BRD9: variants seen among roughly 807,000 people sequenced by gnomAD.
The protein encoded by BRD9 is bromodomain containing 9, also known as bromodomain-containing protein 9.
Under a neutral mutation model 68.7 loss-of-function variants are expected in BRD9, and 47 were observed. The ratio of observed to expected loss-of-function variants is 0.68; its 90% CI spans 0.54 to 0.87. BRD9 has a LOEUF of 0.87. Among genes scored for constraint, BRD9 ranks in the 40% least tolerant of loss-of-function variants. The probability of loss-of-function intolerance (pLI) is 0.00; values close to 1 mark genes in which losing one functional copy is unlikely to be tolerated. For missense variants in BRD9, 670 were observed against 748.4 expected, an observed-to-expected ratio of 0.90 and a Z score of 1.22; for synonymous variants, 313 against 293.9, an observed-to-expected ratio of 1.06 and a Z score of -0.67.
intron 7 of BRD9, 46 bp from the exon 8 acceptor site, chr5:884,116 C>G (rs753233432): frequency 6.3e-7 from 1 of 1,597,044 alleles, no homozygotes; most frequent in Non-Finnish European, 8.5e-7. Flanking sequence ...GCGTCCCCAC[C>G]GCACACCTGC....
chr5:883,047 G>A, intron 8 of BRD9: 1 of 345,406 alleles, frequency 2.9e-6, no homozygotes. Flanking sequence ...ACAGACCACT[G>A]CAACTTCCCA....
At chr5:883,356 T>C (rs1197844366) in intron 8 of BRD9, 4 of 456,744 alleles carry the variant, frequency 8.8e-6, no homozygotes, top group African/African-American at 2.0e-5. Flanking sequence ...GTCACCTGCA[T>C]TGCTCTACTT....
At chr5:871,714 G>A in intron 12 of BRD9, 150 bp from the exon 13 acceptor site, 1 of 752,630 alleles carries the variant, frequency 1.3e-6, no homozygotes, top group Admixed American at 2.0e-5. Flanking sequence ...TTAAGGCTGG[G>A]GGTCCTCCAA....
At chr5:886,546 T>C (rs1448483458) in intron 7 of BRD9, 46 bp downstream of exon 7, 4 of 1,548,128 alleles carry the variant, frequency 2.6e-6, no homozygotes, top group Non-Finnish European at 3.5e-6. Context: ...TTCCTGGCTA[T>C]GGTGCTCAAC....
At chr5:880,965 TG>T (rs1751652175) in intron 9 of BRD9, 141 bp downstream of exon 9, 1 of 816,036 alleles carries the variant, frequency 1.2e-6, no homozygotes, top group Non-Finnish European at 1.9e-6. Flanking sequence ...CGTGTCACGT[TG>T]GGGTGCGAGC....
chr5:873,745 C>T (rs56707139), intron 12 of BRD9, among the ~76,000 whole-genome samples: 5,704 of 152,204 alleles, frequency 0.037, 337 homozygotes, highest in African/African-American at 0.13. Flanking sequence ...GGCATGTGGA[C>T]CCCAGTTCAT....
Position 892,782 on chromosome 5 carries a change from C to T in BRD9, c.-125G>A, listed in dbSNP as rs1425686189. On this transcript the variant is annotated 5_prime_UTR_variant, in exon 1 of 16. Coordinates refer to ENST00000467963, the MANE Select transcript of BRD9 (RefSeq NM_023924.5). ...CTCGCTGCGCCGAGGTTGCCGAGCTCGCTGGGCCGCGCCGGAAACGGGGCG... is the reference window on the plus strand; with the variant it reads ...CTCGCTGCGCCGAGGTTGCCGAGCTTGCTGGGCCGCGCCGGAAACGGGGCG... 7.5e-6 allele frequency: 8 copies of T among 1,069,928 alleles called. No homozygotes were observed. The highest frequency in any genetic ancestry group is 9.5e-6 in the Non-Finnish European group (8 of 844,298). 66.3% of individuals were successfully genotyped at this position (1,069,928 alleles called of 1,614,324 possible).
intron 8 of BRD9, chr5:881,750 G>C (rs1751795767): frequency 6.4e-6 from 1 of 156,728 alleles, no homozygotes; most frequent in South Asian, 1.9e-4. Flanking sequence ...CAGCCACCTG[G>C]CCTGAGAAGA....
intron 7 of BRD9, among the ~76,000 whole-genome samples, chr5:885,717 T>C (rs1240323656): frequency 6.6e-6 from 1 of 152,218 alleles, no homozygotes; most frequent in Non-Finnish European, 1.5e-5. Flanking sequence ...CTGCGCTCTC[T>C]GGGGCCTGCA....
At position 878,600 on chromosome 5, in the gene BRD9, G is replaced by A. The variant is rs1275902297; in HGVS notation, c.1139-113C>T. On this transcript the variant is annotated intron_variant, in intron 10 of 15. Coordinates refer to ENST00000467963, the MANE Select transcript of BRD9 (RefSeq NM_023924.5). The stretch of plus-strand genomic sequence containing the variant: ...CGCCTGGCTGGCAGCCAGCACCCCA[G>A]TCTCACCTCTCTTGCTCTCCACAAA... The A allele has an allele frequency of 4.2e-5, 61 of 1,450,142 alleles. No homozygotes were observed. The African/African-American group carries it at 7.6e-4, about 18-fold the overall frequency. 89.8% of individuals were successfully genotyped at this position (1,450,142 alleles called of 1,614,324 possible).
rs755739577 is a variant in BRD9, at chr5:865,491, G to A, written c.1616C>T (p.Ala539Val). The A allele has an allele frequency of 8.1e-6, 13 of 1,606,872 alleles. No individual in the cohort carries two copies. Among genetic ancestry groups the A allele is most frequent in the Non-Finnish European group, 1.1e-5 (13 of 1,177,658 alleles). Residue 539 changes from alanine to valine, a missense_variant, in exon 15 of 16, where the codon GCG becomes GTG. Transcript: ENST00000467963. ...KLLQDLHEAQ[A>V]ERGGSRPSSN... ...CGACGGCCGAGAGCCGCCGCGCTCC[G>A]CCTGTGCTTCGTGCAGGTCCTGCAG...
chr5:886,794 G>T, intron 6 of BRD9, 87 bp from the exon 7 acceptor site: 1 of 1,600,816 alleles, frequency 6.2e-7, no homozygotes, highest in Non-Finnish European at 8.5e-7. Context: ...CAGAGCAGCA[G>T]GGATTTACCT....
chr5:892,189 C>G (rs1024537148), intron 1 of BRD9: 4 of 433,668 alleles, frequency 9.2e-6, no homozygotes, highest in South Asian at 8.2e-5. Context: ...ACCCCCAGCA[C>G]TTCGGTTCAC....
Position 864,587 on chromosome 5 carries a change from A to G in BRD9, c.1694-19T>C, listed in dbSNP as rs893854314. 5.6e-6 allele frequency: 9 copies of G among 1,609,252 alleles called. No individual in the cohort carries two copies. Among genetic ancestry groups the G allele is most frequent in the Non-Finnish European group, 7.7e-6 (9 of 1,176,232 alleles). On this transcript the variant is annotated intron_variant, in intron 15 of 15. Coordinates refer to ENST00000467963, the MANE Select transcript of BRD9 (RefSeq NM_023924.5). ...GGGCTTCCTGCAATTTTCAGAACAC[A>G]GGACTTCAACACACAGGACAGACCC...
At position 881,134 on chromosome 5, in the gene BRD9, C is replaced by T; in HGVS notation, c.1015G>A (p.Val339Ile). 6.2e-7 allele frequency: 1 copy of T among 1,614,152 alleles called. No homozygotes were observed. The highest frequency in any genetic ancestry group is 8.5e-7 in the Non-Finnish European group (1 of 1,180,042). Reference sequence around the variant, plus strand: ...TCAGCGTCCGGCTCGGCCGTGTTGACCACGCTGTAGAGCAGGCTCCCGTCC... The same window carrying T: ...TCAGCGTCCGGCTCGGCCGTGTTGATCACGCTGTAGAGCAGGCTCCCGTCC... ...NGDGSLLYSV[V>I]NTAEPDADEE... is the part of the protein sequence containing the mutation. Residue 339 changes from valine (V) to isoleucine (I), a missense_variant, in exon 9 of 16, where the codon GTC becomes ATC. Val to Ile is a conservative substitution (Grantham distance 29). Coordinates refer to ENST00000467963, the MANE Select transcript of BRD9 (RefSeq NM_023924.5).
intron 7 of BRD9, among the ~76,000 whole-genome samples, chr5:885,391 C>G (rs35885698): frequency 2.6e-5 from 4 of 152,224 alleles, no homozygotes; most frequent in Non-Finnish European, 5.9e-5. Context: ...GAGGGAGCTG[C>G]TCAGAGCAGA....
In BRD9 at chr5:873,883, G is replaced by A. The variant is rs577621710; in HGVS notation, c.1383+2218C>T. Among the ~76,000 whole-genome samples, 11 of 152,272 alleles carry A rather than the reference G, an allele frequency of 7.2e-5. No homozygotes were observed. The East Asian group carries it at 9.6e-4, about 13-fold the overall frequency. On this transcript the variant is annotated intron_variant, in intron 12 of 15. Transcript: ENST00000467963. ...GAACTCCACCCACAGCAGAGACCAC[G>A]CTGAAAAGACAGGGCTCCCCGAAGG...
At position 871,550 on chromosome 5, in the gene BRD9, G is replaced by A. The variant is rs1438698902; in HGVS notation, c.1398C>T (p.Pro466=). 1 of 1,614,144 alleles carries A rather than the reference G, an allele frequency of 6.2e-7. No individual in the cohort carries two copies. Among genetic ancestry groups the A allele is most frequent in the South Asian group, 1.1e-5 (1 of 91,084 alleles). ...CCTTGGCTTCATCTGGAGGCTTCAT[G>A]GGAACATTTCTTCTCTGAAAAGTAA... ...LFQLKQRRNV[P]MKPPDEAKVG... Residue 466 remains proline, a synonymous_variant, in exon 13 of 16, where the codon CCC becomes CCT. Coordinates refer to ENST00000467963, the MANE Select transcript of BRD9 (RefSeq NM_023924.5).
At chr5:887,303 G>C in intron 6 of BRD9, 58 bp downstream of exon 6, 1 of 1,439,976 alleles carries the variant, frequency 6.9e-7, no homozygotes. Flanking sequence ...TCGGGCACAA[G>C]CGACGGGGGG....
Sources: allele counts gnomAD v4.1 joint callset (sites outside exome capture counted in the v4.1 genomes callset), GRCh38; gene constraint gnomAD v4.1.1; transcripts MANE v1.5; gene names NCBI Gene and HGNC (gene_info 2026-07-23, HGNC 2026-07-21).